Variants in COL21A1 observed in about 807,000 individuals in gnomAD.
COL21A1 encodes collagen alpha-1(XXI) chain.
In COL21A1, 149 loss-of-function variants were observed where a neutral mutation model predicts 137.9. The observed-to-expected ratio is 1.08, with a 90% CI of 0.95 to 1.24. COL21A1 has a LOEUF of 1.24. Ranked by LOEUF, COL21A1 falls within the 50% of genes most tolerant of loss-of-function variation. COL21A1 has a pLI of 0.00. For missense variants in COL21A1, 1,167 were observed against 1,158.4 expected (o/e 1.01, Z -0.11); for synonymous variants, 456 against 391.5 (o/e 1.16, Z -1.95).
Position 56,181,763 on chromosome 6 carries a change from A to G in COL21A1, c.88+768T>C, listed in dbSNP as rs548585183. Among the ~76,000 whole-genome samples the G allele has an allele frequency of 4.0e-4, 61 of 152,292 alleles. 1 individual carries two copies. In the South Asian group the frequency reaches 0.012, roughly 31 times the overall value. On this transcript the variant is annotated intron_variant, in intron 2 of 29. Coordinates refer to ENST00000244728, the MANE Select transcript of COL21A1 (RefSeq NM_030820.4). Reference sequence around the variant, plus strand: ...AGAGCAAAAACATGGTTCAAATACTAGTTACTGCCCTCACAAGCTGTATGA... The same window carrying G: ...AGAGCAAAAACATGGTTCAAATACTGGTTACTGCCCTCACAAGCTGTATGA...
At position 56,138,217 on chromosome 6, in the gene COL21A1, GAA is replaced by G. The variant is rs200541166; in HGVS notation, c.1542+3566_1542+3567del. 9.3e-3 allele frequency among the ~76,000 whole-genome samples: 1,407 copies of G among 151,730 alleles called. 10 individuals carry two copies. Among genetic ancestry groups the G allele is most frequent in the Middle Eastern group, 0.014 (4 of 288 alleles). ...TTCAGAGGAAGCAAAATATTTTTTA[GAA>G]AAGAGGTTGTGCATATGTGTATGTC... On this transcript the variant is annotated intron_variant, in intron 12 of 29. Coordinates refer to ENST00000244728, the MANE Select transcript of COL21A1 (RefSeq NM_030820.4).
At chr6:56,335,550 A>C (rs1171038311) in intron 1 of COL21A1, among the ~76,000 whole-genome samples, 2 of 152,170 alleles carry the variant, frequency 1.3e-5, no homozygotes, top group Non-Finnish European at 2.9e-5. Flanking sequence ...CTAACCAATC[A>C]CATAGGATGC....
intron 1 of COL21A1, among the ~76,000 whole-genome samples, chr6:56,193,421 AACAGAAGCCAGAC>A (rs1778823851): frequency 6.6e-6 from 1 of 152,246 alleles, no homozygotes; most frequent in Non-Finnish European, 1.5e-5. Flanking sequence ...TGTATTTAAT[AACAGAAGCCAGAC>A]ACAAAATAAT....
chr6:56,301,332 A>C (rs975588254), intron 1 of COL21A1, among the ~76,000 whole-genome samples: 1 of 152,198 alleles, frequency 6.6e-6, no homozygotes, highest in Non-Finnish European at 1.5e-5. Flanking sequence ...AGATGGAAGA[A>C]GACACCACAA....
chr6:56,305,098 C>G (rs1436620972), intron 1 of COL21A1, among the ~76,000 whole-genome samples: 1 of 152,180 alleles, frequency 6.6e-6, no homozygotes, highest in Non-Finnish European at 1.5e-5. Flanking sequence ...GTCTGAGAGA[C>G]AGTTTGTTAC....
intron 12 of COL21A1, among the ~76,000 whole-genome samples, chr6:56,136,969 T>A (rs1396673061): frequency 6.6e-6 from 1 of 152,060 alleles, no homozygotes; most frequent in Non-Finnish European, 1.5e-5. Context: ...CAGGGATTCT[T>A]CTCACAGTGC....
At chr6:56,064,732 C>T in intron 23 of COL21A1, 110 bp from the exon 24 acceptor site, 1 of 583,964 alleles carries the variant, frequency 1.7e-6, no homozygotes, top group Non-Finnish European at 2.8e-6. Context: ...GTAACAAAAG[C>T]AGCGATACAA....
chr6:56,312,647 A>G (rs1764638372), intron 1 of COL21A1, among the ~76,000 whole-genome samples: 2 of 152,340 alleles, frequency 1.3e-5, no homozygotes, highest in South Asian at 4.1e-4. Context: ...ATTGAAGGCT[A>G]GAAGAGATTT....
At chr6:56,175,678 C>T (rs1349290052) in intron 3 of COL21A1, among the ~76,000 whole-genome samples, 2 of 151,910 alleles carry the variant, frequency 1.3e-5, no homozygotes, top group Non-Finnish European at 2.9e-5. Context: ...GATTGGTAGA[C>T]AATATTATTT....
At chr6:56,149,890 G>A (rs189755871) in intron 10 of COL21A1, among the ~76,000 whole-genome samples, 2 of 152,286 alleles carry the variant, frequency 1.3e-5, no homozygotes, top group East Asian at 3.9e-4. Flanking sequence ...CAACCCAGAA[G>A]CCAAAGTAAT....
At position 56,367,564 on chromosome 6, in the gene COL21A1, C is replaced by G. The variant is rs553501148; in HGVS notation, c.-39+26407G>C. Reference sequence around the variant, plus strand: ...GGAGATAACCAATCCCTCTCAGACCCTGAGAATGGCAGAGCAGCAGAAAGT... The same window carrying G: ...GGAGATAACCAATCCCTCTCAGACCGTGAGAATGGCAGAGCAGCAGAAAGT... On this transcript the variant is annotated intron_variant, in intron 1 of 28. Transcript: ENST00000370819. 2.0e-5 allele frequency among the ~76,000 whole-genome samples: 3 copies of G among 152,306 alleles called. No homozygotes were observed. The East Asian group carries it at 5.8e-4, about 29-fold the overall frequency.
chr6:56,059,963 A>G, intron 28 of COL21A1, 55 bp downstream of exon 28: 1 of 1,405,880 alleles, frequency 7.1e-7, no homozygotes, highest in Non-Finnish European at 9.8e-7. Flanking sequence ...TAGGGTATGA[A>G]TTTTTAAAAA....
intron 3 of COL21A1, among the ~76,000 whole-genome samples, chr6:56,177,631 A>T (rs1401110006): frequency 6.6e-6 from 1 of 151,842 alleles, no homozygotes; most frequent in African/African-American, 2.4e-5. Context: ...GTTCTCTACT[A>T]AAAAATAGAA....
intron 9 of COL21A1, 39 bp from the exon 10 acceptor site, chr6:56,156,988 C>T (rs1775792749): frequency 2.8e-6 from 4 of 1,441,828 alleles, no homozygotes; most frequent in Admixed American, 1.8e-5. Flanking sequence ...TACAAAACAA[C>T]CAGCCACATT....
At chr6:56,343,214 C>A (rs1245302219) in intron 1 of COL21A1, among the ~76,000 whole-genome samples, 1 of 152,002 alleles carries the variant, frequency 6.6e-6, no homozygotes, top group Non-Finnish European at 1.5e-5. Context: ...TTTTAGCAAG[C>A]AACTAAATGT....
chr6:56,179,537 T>C, intron 3 of COL21A1, 41 bp downstream of exon 3: 1 of 1,454,856 alleles, frequency 6.9e-7, no homozygotes, highest in Non-Finnish European at 9.3e-7. Flanking sequence ...AGCACAATTA[T>C]TAATTGCTTC....
At chr6:56,217,811 C>T (rs1780583489) in intron 1 of COL21A1, among the ~76,000 whole-genome samples, 1 of 152,100 alleles carries the variant, frequency 6.6e-6, no homozygotes, top group Admixed American at 6.6e-5. Flanking sequence ...GAAAACTTCA[C>T]TCACTTCTCA....
intron 16 of COL21A1, among the ~76,000 whole-genome samples, chr6:56,107,657 AGTG>A (rs1458133960): frequency 6.6e-6 from 1 of 152,172 alleles, no homozygotes; most frequent in Non-Finnish European, 1.5e-5. Flanking sequence ...AACAGTGAAA[AGTG>A]GTGAGACAAG....
At chr6:56,285,557 TTTCTC>T (rs1299769653) in intron 1 of COL21A1, among the ~76,000 whole-genome samples, 2 of 152,222 alleles carry the variant, frequency 1.3e-5, no homozygotes, top group East Asian at 3.8e-4. Flanking sequence ...TCATTTCTCA[TTTCTC>T]TTCTCATTTC....
Sources: allele counts gnomAD v4.1 joint callset (sites outside exome capture counted in the v4.1 genomes callset), GRCh38; gene constraint gnomAD v4.1.1; transcripts MANE v1.5; gene names NCBI Gene and HGNC (gene_info 2026-07-23, HGNC 2026-07-21).